PTPRN2: variants seen among roughly 807,000 people sequenced by gnomAD.
PTPRN2 encodes the protein receptor-type tyrosine-protein phosphatase N2.
Under a neutral mutation model 118.8 loss-of-function variants are expected in PTPRN2, and 74 were observed. The observed-to-expected ratio is 0.62, with a 90% CI of 0.52 to 0.76. The LOEUF (loss-of-function observed/expected upper bound fraction) is 0.76. Among genes scored for constraint, PTPRN2 ranks in the 30% least tolerant of loss-of-function variants. The pLI is 0.00. For synonymous variants in PTPRN2, 641 were observed against 608.0 expected, an observed-to-expected ratio of 1.05 and a Z score of -0.80; for missense variants, 1,481 against 1,394.4, an observed-to-expected ratio of 1.06 and a Z score of -0.99.
In PTPRN2 at chr7:157,615,702, C is replaced by T. The variant is rs2150618534; in HGVS notation, c.2344+5660G>A. On this transcript the variant is annotated intron_variant, in intron 15 of 22. Coordinates refer to ENST00000389418, the MANE Select transcript of PTPRN2 (RefSeq NM_002847.5). The surrounding 1 kb of genome is among the most constrained non-coding windows in gnomAD (Gnocchi z 4.3). ...TATAAAACGAGCAGATGGTGCCGAG[C>T]TGAGAGGGAGGTGACGCAGTGACTC... 1 of 435,038 alleles carries T rather than the reference C, an allele frequency of 2.3e-6. No homozygotes were observed. Among genetic ancestry groups the T allele is most frequent in the South Asian group, 1.7e-5 (1 of 59,220 alleles). 26.9% of individuals were successfully genotyped at this position (435,038 alleles called of 1,614,324 possible). A position where few individuals can be genotyped will look rare whatever the true frequency, so the allele number is the denominator to read the frequency against.
intron 12 of PTPRN2, among the ~76,000 whole-genome samples, chr7:157,742,944 T>C (rs1800716683): frequency 6.6e-6 from 1 of 152,224 alleles, no homozygotes; most frequent in African/African-American, 2.4e-5. Context: ...GTCTTGAAAA[T>C]GCTTCGGTAT....
intron 1 of PTPRN2, among the ~76,000 whole-genome samples, chr7:158,507,760 GCACA>G (rs891492094): frequency 4.0e-5 from 6 of 150,772 alleles, no homozygotes; most frequent in African/African-American, 1.5e-4. Context: ...GCAGGAAATT[GCACA>G]CACAGAGGTC....
chr7:158,571,594 A>C (rs1828049487), intron 1 of PTPRN2, among the ~76,000 whole-genome samples: 1 of 149,670 alleles, frequency 6.7e-6, no homozygotes. Flanking sequence ...GCAGGAATGA[A>C]AGGAAGGAAA....
intron 2 of PTPRN2, among the ~76,000 whole-genome samples, chr7:158,333,152 TAA>T (rs1374896857): frequency 7.5e-5 from 8 of 106,754 alleles, no homozygotes; most frequent in African/African-American, 3.6e-4. Flanking sequence ...AGTCTCACCA[TAA>T]GAGGTGACAC....
At chr7:157,951,583 A>G (rs1307072745) in intron 11 of PTPRN2, among the ~76,000 whole-genome samples, 1 of 152,198 alleles carries the variant, frequency 6.6e-6, no homozygotes, top group African/African-American at 2.4e-5. Context: ...GCACTGCATC[A>G]ACATCTCAAC....
chr7:158,587,689 G>T lies in PTPRN2; in HGVS notation c.-20C>A. On this transcript the variant is annotated 5_prime_UTR_variant, in exon 1 of 23. Transcript: ENST00000389418. The stretch of plus-strand genomic sequence containing the variant: ...CCCCATCCCCGCGGCCTGGCCGGCG[G>T]CGCTCAGTCCATGGCCGCGCGGGAG... 7.6e-7 allele frequency: 1 copy of T among 1,307,572 alleles called. No individual in the cohort carries two copies. Among genetic ancestry groups the T allele is most frequent in the Non-Finnish European group, 9.7e-7 (1 of 1,030,616 alleles). The allele number at this position is 1,307,572 out of a possible 1,614,324, so 81.0% of individuals were successfully genotyped here.
chr7:157,805,936 G>A (rs897622001), intron 12 of PTPRN2, among the ~76,000 whole-genome samples: 1 of 152,164 alleles, frequency 6.6e-6, no homozygotes, highest in Non-Finnish European at 1.5e-5. Flanking sequence ...CACACACACC[G>A]TGGCTGTGTG....
At chr7:157,582,603 C>T (rs898028624) in intron 17 of PTPRN2, among the ~76,000 whole-genome samples, 4 of 152,114 alleles carry the variant, frequency 2.6e-5, no homozygotes, top group Admixed American at 1.3e-4. Context: ...GGGCCAGGCA[C>T]GGTGGCTCAC....
chr7:157,671,176 T>C lies in PTPRN2; in HGVS notation c.2001+11549A>G, dbSNP rs1329933810. Reference sequence around the variant, plus strand: ...CTTAGTTCAATGTATCGATTCATTCTTATCGAGCATGTAAAGGTCCCCGGT... The same window carrying C: ...CTTAGTTCAATGTATCGATTCATTCCTATCGAGCATGTAAAGGTCCCCGGT... On this transcript the variant is annotated intron_variant, in intron 13 of 22. Transcript: ENST00000389418. This position sits in a 1 kb window ranked among gnomAD's most constrained non-coding sequence, Gnocchi z 4.1. Among the ~76,000 whole-genome samples the C allele has an allele frequency of 6.6e-6, 1 of 150,976 alleles. No homozygotes were observed. The highest frequency in any genetic ancestry group is 1.5e-5 in the Non-Finnish European group (1 of 67,664).
At chr7:158,047,916 G>A (rs1809004122) in intron 11 of PTPRN2, among the ~76,000 whole-genome samples, 1 of 152,158 alleles carries the variant, frequency 6.6e-6, no homozygotes, top group South Asian at 2.1e-4. Context: ...GCAGTGCAAG[G>A]TGACCTGGGG....
chr7:158,411,478 G>A (rs906880941), intron 2 of PTPRN2, among the ~76,000 whole-genome samples: 5 of 152,134 alleles, frequency 3.3e-5, no homozygotes, highest in Non-Finnish European at 7.4e-5. Flanking sequence ...GGTCCCCCCA[G>A]CACTCACGGC....
At chr7:157,790,137 TG>T (rs1255352176) in intron 12 of PTPRN2, among the ~76,000 whole-genome samples, 11 of 120,066 alleles carry the variant, frequency 9.2e-5, no homozygotes, top group Non-Finnish European at 1.4e-4. Context: ...GTGTGTGTGG[TG>T]GGGGTGTGTG....
chr7:157,947,211 AGTG>A (rs1800542906), intron 11 of PTPRN2, among the ~76,000 whole-genome samples: 2 of 107,000 alleles, frequency 1.9e-5, no homozygotes, highest in Non-Finnish European at 3.6e-5. Context: ...CAGGTCGAGT[AGTG>A]ACATGGAAAT....
intron 12 of PTPRN2, among the ~76,000 whole-genome samples, chr7:157,839,853 G>GTGAC: frequency 6.6e-6 from 1 of 151,824 alleles, no homozygotes; most frequent in African/African-American, 2.4e-5. Flanking sequence ...GTGTGACTGT[G>GTGAC]TGTGACTGTG....
At chr7:158,062,132 G>A (rs747836179) in intron 11 of PTPRN2, among the ~76,000 whole-genome samples, 1 of 152,268 alleles carries the variant, frequency 6.6e-6, no homozygotes, top group Non-Finnish European at 1.5e-5. Context: ...CCATGGCACA[G>A]AGCACTGAGC....
intron 4 of PTPRN2, among the ~76,000 whole-genome samples, chr7:158,193,564 G>A (rs1825951368): frequency 6.6e-6 from 1 of 152,068 alleles, no homozygotes; most frequent in Non-Finnish European, 1.5e-5. Flanking sequence ...CCTGCGCCCT[G>A]TCCCCCTTTA....
chr7:158,027,263 T>A (rs1807348074), intron 11 of PTPRN2: 1 of 152,210 alleles, frequency 6.6e-6, no homozygotes, highest in Non-Finnish European at 1.5e-5. Flanking sequence ...GAAAGCCACC[T>A]CGTCTCCTGG....
In PTPRN2 at chr7:157,598,259, G is replaced by A. The variant is rs1036238509; in HGVS notation, c.2419-2944C>T. 1.3e-5 allele frequency among the ~76,000 whole-genome samples: 2 copies of A among 152,062 alleles called. No homozygotes were observed. The highest frequency in any genetic ancestry group is 2.9e-5 in the Non-Finnish European group (2 of 68,024). ...CCTCCGGTCTTCATTCTTACCCTTC[G>A]CCTCCTACTCATGACTTTCCATTTC... On this transcript the variant is annotated intron_variant, in intron 16 of 22. Coordinates refer to ENST00000389418, the MANE Select transcript of PTPRN2 (RefSeq NM_002847.5). The surrounding 1 kb of genome is among the most constrained non-coding windows in gnomAD (Gnocchi z 5.2).
At chr7:158,092,439 C>A (rs917628304) in intron 10 of PTPRN2, among the ~76,000 whole-genome samples, 2 of 150,932 alleles carry the variant, frequency 1.3e-5, no homozygotes, top group Admixed American at 1.3e-4. Flanking sequence ...GGGAGGTAGA[C>A]GGATGGATGG....
Sources: gnomAD v4.1 joint callset for allele counts (sites outside exome capture counted in the v4.1 genomes callset) on GRCh38, gnomAD v4.1.1 for gene constraint, Gnocchi (gnomAD v3.1) non-coding constraint, MANE v1.5 for transcripts, NCBI Gene and HGNC (gene_info 2026-07-23, HGNC 2026-07-21) for gene names.